The following CDC73 variants were observed in gnomAD, a reference collection of about 807,000 sequenced individuals.
CDC73 encodes parafibromin.
CDC73 carries 21 observed loss-of-function variants against 83.7 expected under a neutral mutation model. The ratio of observed to expected loss-of-function variants is 0.25; its 90% confidence interval spans 0.18 to 0.36. The LOEUF is 0.36. Among genes scored for constraint, CDC73 ranks in the 10% least tolerant of loss-of-function variants. CDC73 has a pLI of 1.00. For synonymous variants in CDC73, 224 were observed against 212.9 expected, an observed-to-expected ratio of 1.05 and a Z score of -0.45; for missense variants, 342 against 653.3, an observed-to-expected ratio of 0.52 and a Z score of 5.19.
At chr1:193,160,781 T>C (rs146637958) in intron 10 of CDC73, among the ~76,000 whole-genome samples, 63 of 152,218 alleles carry the variant, frequency 4.1e-4, no homozygotes, top group African/African-American at 1.3e-3. Flanking sequence ...TTATGACAGA[T>C]GTTTTAAATC....
Position 193,135,557 on chromosome 1 carries a change from G to A in CDC73, c.391G>A (p.Val131Ile), listed in dbSNP as rs769052041. ...STQVKRAADE[V>I]LAEAKKPRIE... is the part of the protein sequence containing the mutation. ...TATAGTCAAACGAGCTGCAGATGAA[G>A]TTTTAGCAGAAGCAAAGAAACCACG... Residue 131 changes from valine to isoleucine, a missense_variant, in exon 5 of 17, where the codon GTT becomes ATT. Val to Ile is a conservative substitution (Grantham distance 29). Coordinates refer to ENST00000367435, the MANE Select transcript of CDC73 (RefSeq NM_024529.5). The A allele has an allele frequency of 5.0e-6, 8 of 1,613,452 alleles. No homozygotes were observed. The Admixed American group carries it at 8.3e-5, about 17-fold the overall frequency.
At chr1:193,167,771 G>A (rs35825417) in intron 10 of CDC73, among the ~76,000 whole-genome samples, 1 of 152,062 alleles carries the variant, frequency 6.6e-6, no homozygotes, top group African/African-American at 2.4e-5. Context: ...TATTCTTTTA[G>A]CACAGTTGTA....
chr1:193,188,372 A>G (rs547855829), intron 10 of CDC73, among the ~76,000 whole-genome samples: 1 of 152,222 alleles, frequency 6.6e-6, no homozygotes, highest in Admixed American at 6.5e-5. Context: ...TTCTTTTTAA[A>G]TCTATCTAGT....
chr1:193,225,955 G>A (rs1183276954), intron 13 of CDC73, among the ~76,000 whole-genome samples: 1 of 152,056 alleles, frequency 6.6e-6, no homozygotes, highest in Non-Finnish European at 1.5e-5. Flanking sequence ...CTGCTTTTTG[G>A]TTCGTGGTCA....
chr1:193,232,133 TAGC>T (rs1677672158), intron 13 of CDC73, among the ~76,000 whole-genome samples: 3 of 152,254 alleles, frequency 2.0e-5, no homozygotes, highest in Admixed American at 6.5e-5. Context: ...TTGATAATAA[TAGC>T]AGGTTATCAG....
At chr1:193,170,626 G>C (rs547043910) in intron 10 of CDC73, among the ~76,000 whole-genome samples, 13 of 151,888 alleles carry the variant, frequency 8.6e-5, no homozygotes, top group Non-Finnish European at 1.6e-4. Context: ...AATGATTTTT[G>C]TTGTTGTTGT....
intron 11 of CDC73, among the ~76,000 whole-genome samples, chr1:193,207,456 C>T (rs998822966): frequency 1.3e-5 from 2 of 152,070 alleles, no homozygotes; most frequent in African/African-American, 2.4e-5. Flanking sequence ...TGCAGGAGTC[C>T]AGGGCGTATT....
intron 3 of CDC73, among the ~76,000 whole-genome samples, chr1:193,131,864 G>T (rs776443381): frequency 3.3e-5 from 5 of 152,070 alleles, no homozygotes; most frequent in Non-Finnish European, 7.4e-5. Flanking sequence ...TCCTCCTTCT[G>T]TGGTTTTTAT....
At chr1:193,216,083 A>G (rs964812126) in intron 13 of CDC73, among the ~76,000 whole-genome samples, 1 of 152,228 alleles carries the variant, frequency 6.6e-6, no homozygotes. Context: ...CAAAGGTAGC[A>G]GAAGAAAATA....
intron 15 of CDC73, among the ~76,000 whole-genome samples, chr1:193,239,317 C>T (rs1677818300): frequency 6.6e-6 from 1 of 152,122 alleles, no homozygotes; most frequent in South Asian, 2.1e-4. Flanking sequence ...TTTCACTCTT[C>T]TGGCTTCCAG....
In CDC73 at chr1:193,192,914, C is replaced by T. The variant is rs574831344; in HGVS notation, c.973-10881C>T. ...GTAAACAAGCTCTTTAGATAAACTC[C>T]CTTACATTCCTTTTTACCTACTCTG... On this transcript the variant is annotated intron_variant, in intron 10 of 16. Transcript: ENST00000367435. 2.6e-5 allele frequency among the ~76,000 whole-genome samples: 4 copies of T among 152,324 alleles called. No homozygotes were observed. The South Asian group carries it at 6.2e-4, about 24-fold the overall frequency.
At chr1:193,227,815 T>G (rs1466804131) in intron 13 of CDC73, among the ~76,000 whole-genome samples, 1 of 152,180 alleles carries the variant, frequency 6.6e-6, no homozygotes, top group Non-Finnish European at 1.5e-5. Flanking sequence ...AGGCCAGAGG[T>G]GATTTGTTCA....
chr1:193,142,640 T>C (rs1214877336), intron 7 of CDC73, among the ~76,000 whole-genome samples: 1 of 152,054 alleles, frequency 6.6e-6, no homozygotes, highest in Non-Finnish European at 1.5e-5. Context: ...TCCTCCTTTC[T>C]CTCTTTCTCC....
intron 10 of CDC73, among the ~76,000 whole-genome samples, chr1:193,194,686 C>G (rs937794250): frequency 1.6e-4 from 25 of 152,084 alleles, no homozygotes; most frequent in African/African-American, 4.6e-4. Context: ...AATTGCAGTT[C>G]TGTGATAAAA....
chr1:193,144,709 A>C (rs1442605809), intron 7 of CDC73, among the ~76,000 whole-genome samples: 1 of 152,186 alleles, frequency 6.6e-6, no homozygotes, highest in Non-Finnish European at 1.5e-5. Context: ...TTCTGCAAAC[A>C]TGATGGTTAT....
Position 193,212,084 on chromosome 1 carries a change from C to A in CDC73, c.1050C>A (p.Pro350=), listed in dbSNP as rs1173703603. 1.9e-6 allele frequency: 3 copies of A among 1,585,350 alleles called. No individual in the cohort carries two copies. Among genetic ancestry groups the A allele is most frequent in the East Asian group, 2.3e-5 (1 of 44,210 alleles). ...TCACAGTTTCTCAAGCAAGACCTCC[C>A]CCAAATCAGAAGAAAGGTGAGGTTG... The part of the protein sequence containing the change: ...VPRPVSQARP[P]PNQKKGSRTP... Residue 350 remains proline (P), a synonymous_variant, in exon 12 of 17, where the codon CCC becomes CCA. Coordinates refer to ENST00000367435, the MANE Select transcript of CDC73 (RefSeq NM_024529.5).
chr1:193,124,704 A>G lies in CDC73; in HGVS notation c.132-408A>G, dbSNP rs146328201. Among the ~76,000 whole-genome samples, 465 of 152,310 alleles carry G rather than the reference A, an allele frequency of 3.1e-3. 2 individuals are homozygous for G. Among genetic ancestry groups the G allele is most frequent in the African/African-American group, 9.9e-3 (411 of 41,568 alleles). ...GAAGGATGTTGTTCAGCAGTATCTTATTTATCAAGAGCCATAGGATAAATT... is the reference window on the plus strand; with the variant it reads ...GAAGGATGTTGTTCAGCAGTATCTTGTTTATCAAGAGCCATAGGATAAATT... On this transcript the variant is annotated intron_variant, in intron 1 of 16. Coordinates refer to ENST00000367435, the MANE Select transcript of CDC73 (RefSeq NM_024529.5).
chr1:193,150,462 A>G (rs1676085808), intron 9 of CDC73, 80 bp downstream of exon 9: 15 of 1,011,448 alleles, frequency 1.5e-5, no homozygotes, highest in Non-Finnish European at 2.0e-5. Context: ...GTTTAAGGGT[A>G]AGGGTTGGCA....
intron 10 of CDC73, among the ~76,000 whole-genome samples, chr1:193,159,957 A>C (rs1404633648): frequency 1.3e-5 from 2 of 152,176 alleles, no homozygotes; most frequent in East Asian, 3.8e-4. Flanking sequence ...TTACAGCAAC[A>C]ACATATTCAT....
Sources: allele counts gnomAD v4.1 joint callset (sites outside exome capture counted in the v4.1 genomes callset), GRCh38; gene constraint gnomAD v4.1.1; transcripts MANE v1.5; gene names NCBI Gene and HGNC (gene_info 2026-07-23, HGNC 2026-07-21).